The following DUSP29 variants were observed in gnomAD, a reference collection of about 807,000 sequenced individuals.
DUSP29 encodes the protein atypical dual-specific protein phosphatase.
Under a neutral mutation model 13.5 loss-of-function variants are expected in DUSP29, and 12 were observed. The observed-to-expected ratio is 0.89, with a 90% CI of 0.57 to 1.44. The LOEUF (loss-of-function observed/expected upper bound fraction) is 1.44, where lower values mean the gene tolerates loss of function less well. Among genes scored for constraint, DUSP29 ranks in the 40% most tolerant of loss-of-function variants. The pLI is 0.00. For missense variants in DUSP29, 308 were observed against 301.1 expected (o/e 1.02, Z -0.17); for synonymous variants, 134 against 128.7 (o/e 1.04, Z -0.28).
intron 1 of DUSP29, among the ~76,000 whole-genome samples, chr10:75,062,778 A>G (rs1046376835): frequency 6.6e-6 from 1 of 152,214 alleles, no homozygotes; most frequent in Non-Finnish European, 1.5e-5. Context: ...TTTGGTTTCC[A>G]TAGATTCGAC....
intron 2 of DUSP29, among the ~76,000 whole-genome samples, chr10:75,055,971 A>C (rs1043042694): frequency 6.6e-6 from 1 of 152,122 alleles, no homozygotes; most frequent in Non-Finnish European, 1.5e-5. Flanking sequence ...GTGCAGTGGC[A>C]CAATCTTGGC....
At chr10:75,041,751 G>T (rs1846589540) in intron 3 of DUSP29, among the ~76,000 whole-genome samples, 1 of 152,150 alleles carries the variant, frequency 6.6e-6, no homozygotes, top group Admixed American at 6.5e-5. Flanking sequence ...CCCACTCATA[G>T]TCTCTGATCC....
chr10:75,071,540 C>T (rs1287907120), intron 1 of DUSP29, among the ~76,000 whole-genome samples: 1 of 152,238 alleles, frequency 6.6e-6, no homozygotes, highest in Non-Finnish European at 1.5e-5. Flanking sequence ...ACCCAGGTGT[C>T]AGCCATGACT....
chr10:75,047,220 G>C (rs1846725888), intron 2 of DUSP29, among the ~76,000 whole-genome samples: 1 of 152,130 alleles, frequency 6.6e-6, no homozygotes, highest in Non-Finnish European at 1.5e-5. Context: ...CATCACTCTG[G>C]GGACTTCCCC....
intron 1 of DUSP29, among the ~76,000 whole-genome samples, chr10:75,070,260 C>T (rs2134309770): frequency 6.6e-6 from 1 of 152,214 alleles, no homozygotes; most frequent in Non-Finnish European, 1.5e-5. Flanking sequence ...GGACTCAACC[C>T]AACAGCCCCA....
intron 3 of DUSP29, 30 bp downstream of exon 3, chr10:75,043,767 C>T (rs369372418): frequency 5.7e-6 from 9 of 1,580,718 alleles, no homozygotes; most frequent in Non-Finnish European, 7.7e-6. Context: ...CGGGGCGGGG[C>T]CGATCGGGGC....
intron 1 of DUSP29, among the ~76,000 whole-genome samples, chr10:75,066,535 T>C (rs1043390119): frequency 7.9e-5 from 12 of 152,230 alleles, no homozygotes; most frequent in Non-Finnish European, 2.9e-5. Context: ...GTGACGAAAT[T>C]ATATGTGATT....
intron 3 of DUSP29, 64 bp downstream of exon 3, chr10:75,043,733 C>CGGGCG: frequency 1.7e-6 from 2 of 1,209,020 alleles, no homozygotes; most frequent in Non-Finnish European, 2.1e-6. Flanking sequence ...GCCTAAGCTA[C>CGGGCG]GGGCGGGGCG....
At chr10:75,050,306 C>A (rs1347421683) in intron 2 of DUSP29, among the ~76,000 whole-genome samples, 1 of 152,240 alleles carries the variant, frequency 6.6e-6, no homozygotes, top group East Asian at 1.9e-4. Flanking sequence ...CGTACTCAAG[C>A]ATTTTTGAAG....
intron 2 of DUSP29, among the ~76,000 whole-genome samples, chr10:75,055,709 T>C (rs1489105333): frequency 1.3e-5 from 2 of 152,186 alleles, no homozygotes; most frequent in Non-Finnish European, 2.9e-5. Flanking sequence ...AAGCTCTGAA[T>C]TGTATACTTT....
At chr10:75,046,971 C>A (rs1434114152) in intron 2 of DUSP29, among the ~76,000 whole-genome samples, 2 of 152,188 alleles carry the variant, frequency 1.3e-5, no homozygotes, top group Admixed American at 6.5e-5. Flanking sequence ...TCAACATAAT[C>A]AAGTGGCAGT....
intron 1 of DUSP29, among the ~76,000 whole-genome samples, chr10:75,067,554 C>T (rs536537883): frequency 6.6e-6 from 1 of 152,266 alleles, no homozygotes; most frequent in East Asian, 1.9e-4. Flanking sequence ...TTGACTTCCC[C>T]TCAGAAGTTA....
chr10:75,043,606 CAA>C (rs1457794579), intron 3 of DUSP29, among the ~76,000 whole-genome samples, 189 bp downstream of exon 3: 2 of 152,092 alleles, frequency 1.3e-5, no homozygotes, highest in Non-Finnish European at 2.9e-5. Flanking sequence ...AGCTTTGCGA[CAA>C]AGATTTCGCA....
intron 3 of DUSP29, among the ~76,000 whole-genome samples, chr10:75,041,350 C>T (rs1445359753): frequency 1.3e-5 from 2 of 152,206 alleles, no homozygotes; most frequent in African/African-American, 4.8e-5. Context: ...AAATTTCAAT[C>T]TGTTGCCAAG....
At chr10:75,050,897 C>A (rs1846813942) in intron 2 of DUSP29, among the ~76,000 whole-genome samples, 1 of 152,236 alleles carries the variant, frequency 6.6e-6, no homozygotes, top group Non-Finnish European at 1.5e-5. Flanking sequence ...TGTTTGTGGC[C>A]TTTTCTCATC....
chr10:75,073,298 C>A (rs1306007896), intron 1 of DUSP29, among the ~76,000 whole-genome samples: 1 of 152,140 alleles, frequency 6.6e-6, no homozygotes, highest in Non-Finnish European at 1.5e-5. Context: ...CAATGCTTCA[C>A]AAGGGCTCGA....
intron 1 of DUSP29, among the ~76,000 whole-genome samples, chr10:75,066,846 C>G (rs904893376): frequency 2.0e-5 from 3 of 152,280 alleles, no homozygotes; most frequent in African/African-American, 7.2e-5. Context: ...GTCAGGCCTC[C>G]GTGGTGTCAG....
Position 75,037,775 on chromosome 10 carries a change from G to C in DUSP29, c.*61C>G. 1 of 1,547,234 alleles carries C rather than the reference G, an allele frequency of 6.5e-7. No individual in the cohort carries two copies. Among genetic ancestry groups the C allele is most frequent in the South Asian group, 1.2e-5 (1 of 83,222 alleles). On this transcript the variant is annotated 3_prime_UTR_variant, in exon 4 of 4. Transcript: ENST00000338487. ...ATCCCTTCTCTGGAGTCCTAGGCCAGGGCTATGTTCTGCCTCTCCCCTCTG... is the reference window on the plus strand; with the variant it reads ...ATCCCTTCTCTGGAGTCCTAGGCCACGGCTATGTTCTGCCTCTCCCCTCTG...
At chr10:75,066,805 T>C (rs1847213263) in intron 1 of DUSP29, among the ~76,000 whole-genome samples, 1 of 152,256 alleles carries the variant, frequency 6.6e-6, no homozygotes, top group African/African-American at 2.4e-5. Flanking sequence ...AAGGCAGCTC[T>C]GTGTCCTCCC....
Sources: allele counts gnomAD v4.1 joint callset (sites outside exome capture counted in the v4.1 genomes callset), GRCh38; gene constraint gnomAD v4.1.1; transcripts MANE v1.5; gene names NCBI Gene and HGNC (gene_info 2026-07-23, HGNC 2026-07-21).